The following MGA variants were observed in gnomAD, a reference collection of about 807,000 sequenced individuals.
The protein encoded by MGA is MAX dimerization protein MGA, also known as MAX gene-associated protein.
A neutral mutation model predicts 261.1 loss-of-function variants in MGA; 40 were observed. The observed-to-expected ratio is 0.15, with a 90% confidence interval of 0.12 to 0.20. The LOEUF (loss-of-function observed/expected upper bound fraction) is 0.20. Ranked by LOEUF, MGA falls within the 10% of genes least tolerant of loss-of-function variation. MGA has a pLI of 1.00. For missense variants in MGA, 3,397 were observed against 3,630.5 expected (o/e 0.94, Z 1.65); for synonymous variants, 1,302 against 1,290.6 (o/e 1.01, Z -0.19).
chr15:41,707,597 G>C, intron 5 of MGA, 131 bp from the exon 6 acceptor site: 1 of 790,582 alleles, frequency 1.3e-6, no homozygotes, highest in African/African-American at 1.8e-5. Flanking sequence ...CATTGTTTTT[G>C]CTCTTCACTA....
At position 41,762,252 on chromosome 15, in the gene MGA, G is replaced by C; in HGVS notation, c.7634G>C (p.Ser2545Thr). ...GAGTTTGACATATCTCCCAGAATTA[G>C]CAAACAGCAGGAAGGATCTTCTGCA... The change falls in exon 22 of 24, where the codon AGC becomes ACC. Residue 2545 changes from serine to threonine, a missense_variant. Coordinates refer to ENST00000219905, the MANE Select transcript of MGA (RefSeq NM_001164273.2). 1.9e-6 allele frequency: 3 copies of C among 1,613,886 alleles called. No individual in the cohort carries two copies. The highest frequency in any genetic ancestry group is 2.5e-6 in the Non-Finnish European group (3 of 1,179,864).
At position 41,710,916 on chromosome 15, in the gene MGA, A is replaced by G; in HGVS notation, c.2651A>G (p.Tyr884Cys). ...TCTACTATTTCCCCTTCTACCTCTT[A>G]TTCTTTGAAACCTCATTCTGTACCC... Residue 884 changes from tyrosine (Y) to cysteine (C), a missense_variant, in exon 8 of 24, where the codon TAT becomes TGT. Tyr to Cys is a radical substitution (Grantham distance 194). Around this residue, in one of 9 missense-constraint regions of MGA, gnomAD observed 519 missense variants for 554.1 expected, o/e 0.94. Transcript: ENST00000219905. 23 of 1,613,976 alleles carry G rather than the reference A, an allele frequency of 1.4e-5. No individual in the cohort carries two copies. Among genetic ancestry groups the G allele is most frequent in the Non-Finnish European group, 1.9e-5 (23 of 1,179,870 alleles).
intron 15 of MGA, 116 bp from the exon 16 acceptor site, chr15:41,748,521 A>G: frequency 8.5e-7 from 1 of 1,181,414 alleles, no homozygotes; most frequent in Non-Finnish European, 1.2e-6. Context: ...GTGTCATTGC[A>G]CTCCAGCCTG....
chr15:41,681,024 A>G (rs1256570948), intron 2 of MGA, among the ~76,000 whole-genome samples: 2 of 152,224 alleles, frequency 1.3e-5, no homozygotes, highest in African/African-American at 2.4e-5. Flanking sequence ...CAGTGGGTTC[A>G]TGAATGACAG....
Position 41,727,162 on chromosome 15 carries a change from C to T in MGA, c.3431-18C>T. On this transcript the variant is annotated intron_variant, in intron 9 of 23. Transcript: ENST00000219905. ...GTTGCCAAAAGTACCTAAAACCTTACCCTTCTTTTTTGTTAAGCTATATGT... is the reference window on the plus strand; with the variant it reads ...GTTGCCAAAAGTACCTAAAACCTTATCCTTCTTTTTTGTTAAGCTATATGT... 6.3e-7 allele frequency: 1 copy of T among 1,595,928 alleles called. No homozygotes were observed. Among genetic ancestry groups the T allele is most frequent in the Non-Finnish European group, 8.5e-7 (1 of 1,170,010 alleles).
intron 2 of MGA, among the ~76,000 whole-genome samples, chr15:41,690,468 C>T (rs1302591550): frequency 2.6e-5 from 4 of 152,148 alleles, no homozygotes; most frequent in African/African-American, 9.7e-5. Flanking sequence ...TGTCTTGGCA[C>T]CTTGGCAATT....
chr15:41,665,509 TCAGCCACTCAAGTAGCTGGGACTA>T (rs2057680224), intron 1 of MGA, among the ~76,000 whole-genome samples: 1 of 151,568 alleles, frequency 6.6e-6, no homozygotes, highest in Non-Finnish European at 1.5e-5. Context: ...TCCTCTCACC[TCAGCCACTCAAGTAGCTGGGACTA>T]CAGCTACACA....
At chr15:41,715,968 T>C (rs1744666101) in intron 9 of MGA, among the ~76,000 whole-genome samples, 1 of 152,200 alleles carries the variant, frequency 6.6e-6, no homozygotes, top group South Asian at 2.1e-4. Flanking sequence ...GCTTACCTCT[T>C]AGGCTTTACT....
At chr15:41,648,544 T>G (rs1279439354) in intron 1 of MGA, among the ~76,000 whole-genome samples, 1 of 152,136 alleles carries the variant, frequency 6.6e-6, no homozygotes, top group African/African-American at 2.4e-5. Flanking sequence ...ATAGCATTGC[T>G]AAGGAAGTGA....
At chr15:41,626,929 A>C (rs563311014) in intron 1 of MGA, among the ~76,000 whole-genome samples, 3 of 152,168 alleles carry the variant, frequency 2.0e-5, no homozygotes, top group African/African-American at 7.2e-5. Flanking sequence ...AAATGGCACT[A>C]TCTCTGCTTA....
At chr15:41,737,591 T>C (rs183828976) in intron 13 of MGA, among the ~76,000 whole-genome samples, 2 of 152,360 alleles carry the variant, frequency 1.3e-5, no homozygotes, top group East Asian at 3.8e-4. Context: ...ACCTTTATCC[T>C]TGATACTTAG....
At chr15:41,698,299 G>A (rs928990454) in intron 3 of MGA, among the ~76,000 whole-genome samples, 1 of 151,134 alleles carries the variant, frequency 6.6e-6, no homozygotes, top group African/African-American at 2.4e-5. Flanking sequence ...CTCCCGAGTA[G>A]CTGGGACTAC....
At chr15:41,666,641 C>T (rs1241150742) in intron 1 of MGA, among the ~76,000 whole-genome samples, 2 of 152,196 alleles carry the variant, frequency 1.3e-5, no homozygotes, top group African/African-American at 4.8e-5. Flanking sequence ...CTCTTCTGAA[C>T]ATTTTACGCT....
Position 41,742,674 on chromosome 15 carries a change from C to T in MGA, c.4714C>T (p.Pro1572Ser), listed in dbSNP as rs1449141303. ...AGGGACACAGAAGTTCAGTATCAGA[C>T]CTTCTCCAGTAATGGTCGTCACACC... The change falls in exon 15 of 24, where the codon CCT (proline) becomes TCT (serine). Residue 1572 changes from proline (P) to serine (S), a missense_variant. Pro to Ser is a moderately conservative substitution (Grantham distance 74, BLOSUM62 -1). Coordinates refer to ENST00000219905, the MANE Select transcript of MGA (RefSeq NM_001164273.2). 1.9e-6 allele frequency: 3 copies of T among 1,613,992 alleles called. No individual in the cohort carries two copies. The highest frequency in any genetic ancestry group is 2.5e-6 in the Non-Finnish European group (3 of 1,179,884).
intron 1 of MGA, among the ~76,000 whole-genome samples, chr15:41,662,717 T>G (rs564045375): frequency 6.6e-6 from 1 of 152,236 alleles, no homozygotes; most frequent in African/African-American, 2.4e-5. Flanking sequence ...CTTGACCCAG[T>G]GTTTATTGGC....
At chr15:41,638,185 G>A (rs1476086042) in intron 1 of MGA, among the ~76,000 whole-genome samples, 1 of 150,784 alleles carries the variant, frequency 6.6e-6, no homozygotes, top group Non-Finnish European at 1.5e-5. Flanking sequence ...TGGAACTATA[G>A]GTGTGCGCTG....
At position 41,713,148 on chromosome 15, in the gene MGA, T is replaced by C. The variant is rs2060468560; in HGVS notation, c.3085-3T>C. The C allele has an allele frequency of 3.7e-6, 6 of 1,607,690 alleles. No homozygotes were observed. Among genetic ancestry groups the C allele is most frequent in the East Asian group, 2.2e-5 (1 of 44,838 alleles). ...GAATTACAATTTTCTCCTTTGACTTTAGGCATCCCTCAAAACTAAACCTAT... is the reference window on the plus strand; with the variant it reads ...GAATTACAATTTTCTCCTTTGACTTCAGGCATCCCTCAAAACTAAACCTAT... On this transcript the variant is annotated splice_polypyrimidine_tract_variant and splice_region_variant and intron_variant, in intron 8 of 23. Coordinates refer to ENST00000219905, the MANE Select transcript of MGA (RefSeq NM_001164273.2).
intron 2 of MGA, among the ~76,000 whole-genome samples, chr15:41,695,850 CT>C (rs1350024271): frequency 6.6e-6 from 1 of 152,010 alleles, no homozygotes; most frequent in African/African-American, 2.4e-5. Context: ...TTTAATGGCC[CT>C]TTCCGGTTTG....
At chr15:41,705,567 G>A (rs1170984341) in intron 5 of MGA, among the ~76,000 whole-genome samples, 1 of 151,968 alleles carries the variant, frequency 6.6e-6, no homozygotes, top group Non-Finnish European at 1.5e-5. Flanking sequence ...TTAACCTGTT[G>A]CCCAGACTCA....
Sources: allele counts gnomAD v4.1 joint callset (sites outside exome capture counted in the v4.1 genomes callset), GRCh38; gene constraint gnomAD v4.1.1; regional missense constraint gnomAD v4.1.1; transcripts MANE v1.5; gene names NCBI Gene and HGNC (gene_info 2026-07-23, HGNC 2026-07-21).